Variants in CFAP69 observed in about 807,000 individuals in gnomAD.
CFAP69 encodes cilia and flagella associated protein 69.
CFAP69 carries 92 observed loss-of-function variants against 123.0 expected under a neutral mutation model. That is an observed-to-expected ratio of 0.75 (90% CI 0.63 to 0.89). The LOEUF (loss-of-function observed/expected upper bound fraction) is 0.89. Among genes scored for constraint, CFAP69 ranks in the 40% least tolerant of loss-of-function variants. CFAP69 has a pLI of 0.00. For missense variants in CFAP69, 1,067 were observed against 1,096.9 expected (o/e 0.97, Z 0.39); for synonymous variants, 380 against 364.3 (o/e 1.04, Z -0.49).
chr7:90,279,344 G>A (rs934189296), intron 11 of CFAP69, among the ~76,000 whole-genome samples: 5 of 152,060 alleles, frequency 3.3e-5, no homozygotes, highest in African/African-American at 7.2e-5. Flanking sequence ...AGTAAAATAC[G>A]TTATACGTTT....
chr7:90,249,014 TAGTC>T (rs1246422813), intron 1 of CFAP69, among the ~76,000 whole-genome samples: 1 of 152,220 alleles, frequency 6.6e-6, no homozygotes, highest in Non-Finnish European at 1.5e-5. Flanking sequence ...TTAATGACTC[TAGTC>T]ATAACAGCTT....
chr7:90,290,270 A>G (rs773192514), intron 15 of CFAP69, among the ~76,000 whole-genome samples: 32 of 152,192 alleles, frequency 2.1e-4, no homozygotes, highest in Admixed American at 7.9e-4. Context: ...CCGATGGTGT[A>G]GTTCCAGTCT....
intron 14 of CFAP69, among the ~76,000 whole-genome samples, 184 bp from the exon 15 acceptor site, chr7:90,288,050 A>AT (rs1182632484): frequency 6.6e-6 from 1 of 152,096 alleles, no homozygotes; most frequent in African/African-American, 2.4e-5. Context: ...TTTTATAATA[A>AT]TTTGTTTTAA....
chr7:90,257,692 A>G (rs1248337836), intron 2 of CFAP69, among the ~76,000 whole-genome samples: 1 of 152,216 alleles, frequency 6.6e-6, no homozygotes, highest in African/African-American at 2.4e-5. Context: ...GCTGCTACAA[A>G]TGACAGAATT....
chr7:90,279,188 T>TA (rs1460488185), intron 11 of CFAP69, among the ~76,000 whole-genome samples: 1 of 152,168 alleles, frequency 6.6e-6, no homozygotes, highest in African/African-American at 2.4e-5. Flanking sequence ...TGCATGTGGT[T>TA]AAATATTCAC....
Position 90,261,954 on chromosome 7 carries a change from G to A in CFAP69, c.254G>A (p.Arg85Lys). 6.5e-7 allele frequency: 1 copy of A among 1,534,738 alleles called. No individual in the cohort carries two copies. The highest frequency in any genetic ancestry group is 8.8e-7 in the Non-Finnish European group (1 of 1,133,116). Residue 85 changes from arginine to lysine, a missense_variant, in exon 4 of 23, where the codon AGG (arginine) becomes AAG (lysine). Coordinates refer to ENST00000389297, the MANE Select transcript of CFAP69 (RefSeq NM_001039706.3). The stretch of plus-strand genomic sequence containing the variant: ...TAACTAAAAATATTAAAGCCATTAA[G>A]GGATTTAGCACAGATATTTAAAATT... ...VQCYQNGLPL[R>K]DLAQIFKILN...
At position 90,304,737 on chromosome 7, in the gene CFAP69, A is replaced by G. The variant is rs199973203; in HGVS notation, c.2189-7A>G. ...AAGTAATTCTGTCTTTATAAACTTT[A>G]TTTTAGATTTTGAAAATTTACCTGG... is the stretch of plus-strand genomic sequence containing the variant. On this transcript the variant is annotated splice_region_variant and splice_polypyrimidine_tract_variant and intron_variant, in intron 18 of 22. Coordinates refer to ENST00000389297, the MANE Select transcript of CFAP69 (RefSeq NM_001039706.3). The G allele has an allele frequency of 1.9e-4, 301 of 1,600,334 alleles. No individual in the cohort carries two copies. Among genetic ancestry groups the G allele is most frequent in the Admixed American group, 6.5e-4 (38 of 58,064 alleles).
At chr7:90,300,150 C>T (rs1264192377) in intron 17 of CFAP69, 91 bp downstream of exon 17, 4 of 1,235,242 alleles carry the variant, frequency 3.2e-6, no homozygotes, top group Non-Finnish European at 4.1e-6. Flanking sequence ...AGGCCTTTCA[C>T]CCCTTTGTCT....
At chr7:90,253,978 T>C (rs1330299165) in intron 1 of CFAP69, among the ~76,000 whole-genome samples, 1 of 152,212 alleles carries the variant, frequency 6.6e-6, no homozygotes, top group Non-Finnish European at 1.5e-5. Context: ...GGGTCTTATA[T>C]TTAAGTCTTT....
chr7:90,306,219 G>A (rs949248070), intron 19 of CFAP69, among the ~76,000 whole-genome samples: 1 of 151,884 alleles, frequency 6.6e-6, no homozygotes, highest in African/African-American at 2.4e-5. Context: ...GCCCAAAGAT[G>A]AATTTTTTCC....
intron 1 of CFAP69, among the ~76,000 whole-genome samples, chr7:90,254,036 G>C (rs971199285): frequency 1.3e-5 from 2 of 152,118 alleles, no homozygotes; most frequent in African/African-American, 4.8e-5. Flanking sequence ...TAGGAGTCTA[G>C]TTTCATTCTT....
At chr7:90,250,780 C>G (rs1285462733) in intron 1 of CFAP69, among the ~76,000 whole-genome samples, 3 of 152,138 alleles carry the variant, frequency 2.0e-5, no homozygotes, top group Non-Finnish European at 4.4e-5. Context: ...TCAGAAACCT[C>G]TGCCCCAAAT....
intron 3 of CFAP69, among the ~76,000 whole-genome samples, chr7:90,258,675 T>C (rs1318727055): frequency 2.6e-5 from 4 of 152,210 alleles, no homozygotes; most frequent in African/African-American, 7.2e-5. Context: ...AATTAGGACA[T>C]AGATATCTTG....
chr7:90,275,869 T>G (rs977668134), intron 9 of CFAP69, among the ~76,000 whole-genome samples: 6 of 152,112 alleles, frequency 3.9e-5, no homozygotes, highest in African/African-American at 1.4e-4. Flanking sequence ...CCCAAAGTGC[T>G]GGGATTACAG....
Position 90,303,957 on chromosome 7 carries a change from T to A in CFAP69, c.2051-12T>A. 2 of 1,543,038 alleles carry A rather than the reference T, an allele frequency of 1.3e-6. No homozygotes were observed. Among genetic ancestry groups the A allele is most frequent in the Non-Finnish European group, 1.8e-6 (2 of 1,142,832 alleles). On this transcript the variant is annotated splice_polypyrimidine_tract_variant and intron_variant, in intron 17 of 22. Coordinates refer to ENST00000389297, the MANE Select transcript of CFAP69 (RefSeq NM_001039706.3). Reference sequence around the variant, plus strand: ...CTGTCCCTTTTCTATTTTCATGCTATCCAATGATTAGATACAAAAAAACCT... The same window carrying A: ...CTGTCCCTTTTCTATTTTCATGCTAACCAATGATTAGATACAAAAAAACCT...
chr7:90,264,104 A>AAAAAAAAAAAT, intron 4 of CFAP69, among the ~76,000 whole-genome samples: 1 of 48,886 alleles, frequency 2.0e-5, no homozygotes, highest in African/African-American at 7.2e-5. Flanking sequence ...AAAAAAAAAA[A>AAAAAAAAAAAT]ATATATATAT....
chr7:90,261,308 C>T (rs17866763), intron 3 of CFAP69, among the ~76,000 whole-genome samples: 17,128 of 152,000 alleles, frequency 0.11, 2,569 homozygotes, highest in East Asian at 0.61. Flanking sequence ...CTCCTGACCT[C>T]GTGATCCACC....
intron 11 of CFAP69, among the ~76,000 whole-genome samples, chr7:90,278,702 AT>A (rs969965753): frequency 2.0e-5 from 3 of 152,064 alleles, no homozygotes; most frequent in African/African-American, 7.2e-5. Flanking sequence ...GAAATCAACA[AT>A]TTTTATGTGT....
chr7:90,293,087 A>T (rs1288532501), intron 15 of CFAP69, among the ~76,000 whole-genome samples: 2 of 152,236 alleles, frequency 1.3e-5, no homozygotes, highest in Non-Finnish European at 2.9e-5. Context: ...ATACTAAGTC[A>T]TATGAGAATT....
Sources: allele counts gnomAD v4.1 joint callset (sites outside exome capture counted in the v4.1 genomes callset), GRCh38; gene constraint gnomAD v4.1.1; transcripts MANE v1.5; gene names NCBI Gene and HGNC (gene_info 2026-07-23, HGNC 2026-07-21).